PADI6: variants seen among roughly 807,000 people sequenced by gnomAD.
The protein encoded by PADI6 is peptidyl arginine deiminase 6, also known as inactive protein-arginine deiminase type-6.
A neutral mutation model predicts 78.2 loss-of-function variants in PADI6; 66 were observed. The observed-to-expected ratio is 0.84, with a 90% confidence interval of 0.69 to 1.04. The LOEUF (loss-of-function observed/expected upper bound fraction) is 1.04. PADI6 is among the 50% of genes least tolerant of loss of function. The probability of loss-of-function intolerance (pLI) is 0.00; values close to 1 mark genes in which losing one functional copy is unlikely to be tolerated. For synonymous variants in PADI6, 397 were observed against 346.9 expected (o/e 1.14, Z -1.60); for missense variants, 854 against 866.1 (o/e 0.99, Z 0.18).
In PADI6 at chr1:17,388,503, G is replaced by A. The variant is rs772192343; in HGVS notation, c.802G>A (p.Glu268Lys). 1.7e-5 allele frequency: 27 copies of A among 1,613,410 alleles called. No individual in the cohort carries two copies. The highest frequency in any genetic ancestry group is 3.3e-4 in the Middle Eastern group (2 of 6,084). ...TGAAGCTATAGCATTCCCATCTGCC[G>A]AATTCTCAGGCCTCATCTCCTACTC... Reference protein sequence around the residue: ...YVEAIAFPSAEFSGLISYSVS... With the variant: ...YVEAIAFPSAKFSGLISYSVS... The change falls in exon 7 of 16, where the codon GAA (glutamate) becomes AAA (lysine). Residue 268 changes from glutamate to lysine, a missense_variant. Coordinates refer to ENST00000619609, the MANE Select transcript of PADI6 (RefSeq NM_207421.4).
chr1:17,375,288 T>C (rs2100285734), intron 2 of PADI6, 139 bp from the exon 3 acceptor site: 3 of 744,216 alleles, frequency 4.0e-6, no homozygotes, highest in Non-Finnish European at 4.5e-6. Context: ...TGTGGCCCCA[T>C]ACCAGCTCAT....
At chr1:17,376,208 C>T (rs994299149) in intron 3 of PADI6, among the ~76,000 whole-genome samples, 3 of 151,672 alleles carry the variant, frequency 2.0e-5, no homozygotes, top group Non-Finnish European at 4.4e-5. Context: ...CTCCTGACCT[C>T]GCGATCCACC....
chr1:17,399,559 C>T (rs2075281550), intron 15 of PADI6, among the ~76,000 whole-genome samples: 1 of 151,938 alleles, frequency 6.6e-6, no homozygotes. Flanking sequence ...CACTCCATTG[C>T]ACTCCAGCCT....
chr1:17,373,594 C>T, intron 2 of PADI6, among the ~76,000 whole-genome samples: 1 of 151,958 alleles, frequency 6.6e-6, no homozygotes, highest in East Asian at 1.9e-4. Context: ...CGGGTTCAAG[C>T]AATTCTCCTG....
intron 3 of PADI6, among the ~76,000 whole-genome samples, chr1:17,376,777 C>A (rs1348842567): frequency 6.6e-6 from 1 of 152,178 alleles, no homozygotes; most frequent in Non-Finnish European, 1.5e-5. Flanking sequence ...AGAATCTTCT[C>A]AAATTAGACA....
chr1:17,373,258 G>A lies in PADI6; in HGVS notation c.294+25G>A, dbSNP rs186952766. On this transcript the variant is annotated intron_variant, in intron 2 of 15. Coordinates refer to ENST00000619609, the MANE Select transcript of PADI6 (RefSeq NM_207421.4). Reference sequence around the variant, plus strand: ...GGTAAGCCTCAGGGGAAGAGGTGAGGGGCATCTCCCGGGGTGGGACCTAGC... The same window carrying A: ...GGTAAGCCTCAGGGGAAGAGGTGAGAGGCATCTCCCGGGGTGGGACCTAGC... 13 of 1,610,318 alleles carry A rather than the reference G, an allele frequency of 8.1e-6. No individual in the cohort carries two copies. In the Admixed American group the frequency reaches 2.2e-4, roughly 27 times the overall value.
chr1:17,382,290 T>C (rs2075080082), intron 6 of PADI6, among the ~76,000 whole-genome samples, 198 bp downstream of exon 6: 1 of 152,172 alleles, frequency 6.6e-6, no homozygotes, highest in Non-Finnish European at 1.5e-5. Context: ...TCTGTACACA[T>C]GGGTGAGTTA....
At chr1:17,373,898 G>T (rs2074990551) in intron 2 of PADI6, among the ~76,000 whole-genome samples, 1 of 152,126 alleles carries the variant, frequency 6.6e-6, no homozygotes, top group Non-Finnish European at 1.5e-5. Flanking sequence ...GAGCCCAAGG[G>T]TGTATTCTCC....
chr1:17,394,271 C>T (rs774632854), intron 10 of PADI6, 29 bp from the exon 11 acceptor site: 11 of 1,608,280 alleles, frequency 6.8e-6, no homozygotes, highest in East Asian at 2.2e-5. Context: ...CCTACTAACA[C>T]CCCTTCCCTG....
rs375066620 is a variant in PADI6, at chr1:17,372,932, C to A, written c.117-124C>A. 2.0e-4 allele frequency: 208 copies of A among 1,017,028 alleles called. No homozygotes were observed. In the African/African-American group the frequency reaches 3.2e-3, roughly 15 times the overall value. The allele number at this position is 1,017,028 out of a possible 1,614,324, so 63.0% of individuals were successfully genotyped here. A position where few individuals can be genotyped will look rare whatever the true frequency, so the allele number is the denominator to read the frequency against. On this transcript the variant is annotated intron_variant, in intron 1 of 15. Transcript: ENST00000619609. ...GGTGGGTAGGAATAAGGACCCCAGA[C>A]CACTCTGCCTCAACACCCTAAGGAG... is the stretch of plus-strand genomic sequence containing the variant.
Position 17,394,411 on chromosome 1 carries a change from T to G in PADI6, c.1294T>G (p.Tyr432Asp). The G allele has an allele frequency of 1.2e-6, 2 of 1,613,492 alleles. No individual in the cohort carries two copies. The highest frequency in any genetic ancestry group is 1.7e-6 in the Non-Finnish European group (2 of 1,179,792). The change falls in exon 11 of 16, where the codon TAC becomes GAC. Residue 432 changes from tyrosine (Y) to aspartate (D), a missense_variant. Physicochemically the swap from Tyr to Asp is radical, Grantham distance 160. Coordinates refer to ENST00000619609, the MANE Select transcript of PADI6 (RefSeq NM_207421.4). ...ACCTGTCAAGGTCCAAGGGAAAGAGTACCCGCTGGGCAGAGTCCTCATTGG... is the reference window on the plus strand; with the variant it reads ...ACCTGTCAAGGTCCAAGGGAAAGAGGACCCGCTGGGCAGAGTCCTCATTGG... ...SPPVKVQGKE[Y>D]PLGRVLIGSS...
At position 17,401,634 on chromosome 1, in the gene PADI6, A is replaced by G. The variant is rs1450348086; in HGVS notation, c.*196A>G. ...CAGCTTGAACCCCTATGGGGAAAAG[A>G]TGCAAAAGTGTTCAGCCAAGTGACG... is the stretch of plus-strand genomic sequence containing the variant. On this transcript the variant is annotated 3_prime_UTR_variant, in exon 16 of 16. Transcript: ENST00000619609. The G allele has an allele frequency of 1.7e-5, 10 of 595,708 alleles. No homozygotes were observed. The East Asian group carries it at 2.8e-4, about 17-fold the overall frequency. The allele number at this position is 595,708 out of a possible 1,614,324, so 36.9% of individuals were successfully genotyped here. A position where few individuals can be genotyped will look rare whatever the true frequency, so the allele number is the denominator to read the frequency against.
At chr1:17,385,588 G>GT (rs1201963034) in intron 6 of PADI6, among the ~76,000 whole-genome samples, 1 of 152,102 alleles carries the variant, frequency 6.6e-6, no homozygotes, top group Non-Finnish European at 1.5e-5. Flanking sequence ...GTCTAAGGTG[G>GT]TATAGAACCC....
In PADI6 at chr1:17,373,244, G is replaced by A; in HGVS notation, c.294+11G>A. On this transcript the variant is annotated intron_variant, in intron 2 of 15. Transcript: ENST00000619609. ...GTGGATGCGGATAAGGTAAGCCTCA[G>A]GGGAAGAGGTGAGGGGCATCTCCCG... The A allele has an allele frequency of 1.2e-6, 2 of 1,612,452 alleles. No individual in the cohort carries two copies. Among genetic ancestry groups the A allele is most frequent in the Non-Finnish European group, 1.7e-6 (2 of 1,178,720 alleles).
chr1:17,384,936 G>A (rs1029701542), intron 6 of PADI6, among the ~76,000 whole-genome samples: 1 of 152,222 alleles, frequency 6.6e-6, no homozygotes, highest in African/African-American at 2.4e-5. Context: ...GGGCCAGCAC[G>A]CAGTCGAGCG....
In PADI6 at chr1:17,393,077, C is replaced by T. The variant is rs140451343; in HGVS notation, c.1074+852C>T. Among the ~76,000 whole-genome samples, 400 of 152,104 alleles carry T rather than the reference C, an allele frequency of 2.6e-3. 1 individual carries two copies. Among genetic ancestry groups the T allele is most frequent in the African/African-American group, 9.1e-3 (376 of 41,464 alleles). ...AGAAGAATCGCTTGAACCCAGGAGG[C>T]GGAGGTTGCAGTGCACCTAGATCAC... On this transcript the variant is annotated intron_variant, in intron 9 of 15. Coordinates refer to ENST00000619609, the MANE Select transcript of PADI6 (RefSeq NM_207421.4).
intron 13 of PADI6, 116 bp from the exon 14 acceptor site, chr1:17,396,955 C>T (rs541243583): frequency 3.2e-6 from 3 of 931,174 alleles, no homozygotes; most frequent in Admixed American, 2.1e-5. Context: ...GTCCTCTCGC[C>T]ATGGTCACTG....
intron 6 of PADI6, among the ~76,000 whole-genome samples, chr1:17,386,008 G>C (rs766184000): frequency 6.6e-6 from 1 of 151,966 alleles, no homozygotes; most frequent in Non-Finnish European, 1.5e-5. Context: ...ACAGACAGTC[G>C]AGGACCCAGC....
At chr1:17,392,000 G>A (rs1351579449) in intron 8 of PADI6, 114 bp from the exon 9 acceptor site, 1 of 849,070 alleles carries the variant, frequency 1.2e-6, no homozygotes, top group African/African-American at 1.7e-5. Context: ...CACGGGCAGG[G>A]ATGTAACCTC....
Sources: allele counts gnomAD v4.1 joint callset (sites outside exome capture counted in the v4.1 genomes callset), GRCh38; gene constraint gnomAD v4.1.1; transcripts MANE v1.5; gene names NCBI Gene and HGNC (gene_info 2026-07-23, HGNC 2026-07-21).